Variants in ANKRD30B observed in about 807,000 individuals in gnomAD.
ANKRD30B encodes ankyrin repeat domain 30B.
In ANKRD30B, 144 loss-of-function variants were observed where a neutral mutation model predicts 202.2. The observed-to-expected ratio is 0.71, with a 90% confidence interval of 0.62 to 0.82. The LOEUF (loss-of-function observed/expected upper bound fraction) is 0.82, where lower values mean the gene tolerates loss of function less well. Ranked by LOEUF, ANKRD30B falls within the 40% of genes least tolerant of loss-of-function variation. ANKRD30B has a pLI of 0.00. For missense variants in ANKRD30B, 1,487 were observed against 1,669.1 expected, an observed-to-expected ratio of 0.89 and a Z score of 1.90; for synonymous variants, 508 against 561.3, an observed-to-expected ratio of 0.91 and a Z score of 1.34.
the ANKRD30B span, among the ~76,000 whole-genome samples, chr18:14,934,908 C>CACACACACA: frequency 7.4e-6 from 1 of 134,602 alleles, no homozygotes; most frequent in East Asian, 2.2e-4. Context: ...CCTCCCTCTA[C>CACACACACA]CACACACACA....
At chr18:14,846,575 T>C (rs1971646715) in intron 39 of ANKRD30B, among the ~76,000 whole-genome samples, 1 of 151,954 alleles carries the variant, frequency 6.6e-6, no homozygotes, top group African/African-American at 2.4e-5. Flanking sequence ...GTTCTATCTA[T>C]TTTTGTATCA....
intron 16 of ANKRD30B, among the ~76,000 whole-genome samples, chr18:14,794,945 C>A (rs953283287): frequency 2.0e-5 from 3 of 152,132 alleles, no homozygotes; most frequent in African/African-American, 7.2e-5. Flanking sequence ...AGATATATTT[C>A]TATTTCAAAG....
the ANKRD30B span, among the ~76,000 whole-genome samples, chr18:14,901,394 CAAAT>C: frequency 6.6e-6 from 1 of 152,074 alleles, no homozygotes; most frequent in Admixed American, 6.6e-5. Flanking sequence ...CTCTAATAAA[CAAAT>C]GAATGAGTTC....
chr18:14,817,165 A>G (rs1033081884), intron 30 of ANKRD30B: 2 of 152,226 alleles, frequency 1.3e-5, no homozygotes, highest in African/African-American at 4.8e-5. Context: ...AGCAACATAA[A>G]TATAATTACA....
In ANKRD30B at chr18:14,759,942, G is replaced by A. The variant is rs1457528915; in HGVS notation, c.756-612G>A. On this transcript the variant is annotated intron_variant, in intron 5 of 43. Transcript: ENST00000690538. ...TTTTTTGTAGAGACAGGGTCTCCCT[G>A]TGTTGCCCAAGCTGGTCTTGAACTT... is the stretch of plus-strand genomic sequence containing the variant. Among the ~76,000 whole-genome samples, 27 of 152,212 alleles carry A rather than the reference G, an allele frequency of 1.8e-4. No homozygotes were observed. The South Asian group carries it at 2.3e-3, about 13-fold the overall frequency.
chr18:14,925,186 G>A, the ANKRD30B span, among the ~76,000 whole-genome samples: 1 of 152,170 alleles, frequency 6.6e-6, no homozygotes, highest in Admixed American at 6.5e-5. Flanking sequence ...AGGAAGTGCT[G>A]GGTTTGGATA....
At chr18:14,760,682 A>G (rs1915115879) in intron 6 of ANKRD30B, 64 bp downstream of exon 6, 2 of 1,204,436 alleles carry the variant, frequency 1.7e-6, no homozygotes, top group South Asian at 1.4e-5. Context: ...AGTGCTGATC[A>G]CAAAAAAGCA....
chr18:14,758,068 G>T (rs1914658498), intron 5 of ANKRD30B, 116 bp downstream of exon 5: 3 of 1,096,192 alleles, frequency 2.7e-6, no homozygotes, highest in Admixed American at 2.7e-5. Flanking sequence ...AGCCAGACTA[G>T]TTAGAAGGAG....
chr18:14,882,952 A>C, the ANKRD30B span, among the ~76,000 whole-genome samples: 1 of 152,152 alleles, frequency 6.6e-6, no homozygotes, highest in Admixed American at 6.5e-5. Flanking sequence ...GTCCATTTGC[A>C]TGAAATGCTT....
At chr18:14,881,268 T>G in the ANKRD30B span, among the ~76,000 whole-genome samples, 1 of 152,210 alleles carries the variant, frequency 6.6e-6, no homozygotes, top group Non-Finnish European at 1.5e-5. Context: ...CTTGTATGCC[T>G]ATTTTGCTGA....
chr18:14,880,709 G>A, the ANKRD30B span, among the ~76,000 whole-genome samples: 1 of 151,848 alleles, frequency 6.6e-6, no homozygotes, highest in South Asian at 2.1e-4. Flanking sequence ...GGGATTATAG[G>A]CATGCACCAC....
chr18:14,830,386 G>A (rs747917253), intron 33 of ANKRD30B: 16 of 152,398 alleles, frequency 1.0e-4, no homozygotes, highest in Non-Finnish European at 2.1e-4. Flanking sequence ...AAAATAAGTA[G>A]TTAGACTTTC....
chr18:14,822,789 A>T (rs1970488464), intron 32 of ANKRD30B, 112 bp downstream of exon 32: 1 of 1,360,588 alleles, frequency 7.3e-7, no homozygotes, highest in African/African-American at 1.5e-5. Context: ...GGATGGGAAA[A>T]TTTGACACAA....
At chr18:14,897,753 C>T in the ANKRD30B span, among the ~76,000 whole-genome samples, 4 of 152,168 alleles carry the variant, frequency 2.6e-5, no homozygotes, top group South Asian at 8.3e-4. Context: ...ATAAAATGTC[C>T]CTGCCCTTAA....
chr18:14,913,014 C>T, the ANKRD30B span, among the ~76,000 whole-genome samples: 2 of 152,252 alleles, frequency 1.3e-5, no homozygotes, highest in East Asian at 1.9e-4. Flanking sequence ...TCTGGGCTTA[C>T]AGGTTTCCTG....
At chr18:14,936,420 A>G in the ANKRD30B span, among the ~76,000 whole-genome samples, 1 of 151,884 alleles carries the variant, frequency 6.6e-6, no homozygotes, top group African/African-American at 2.4e-5. Context: ...TCCCTCCACA[A>G]ACGCATCCTA....
In ANKRD30B at chr18:14,791,389, T is replaced by G; in HGVS notation, c.1735-12T>G. 1 of 1,581,102 alleles carries G rather than the reference T, an allele frequency of 6.3e-7. No homozygotes were observed. The highest frequency in any genetic ancestry group is 2.2e-5 in the East Asian group (1 of 44,482). On this transcript the variant is annotated splice_polypyrimidine_tract_variant and intron_variant, in intron 15 of 43. Transcript: ENST00000690538. Reference sequence around the variant, plus strand: ...TTTCATTGAAATTATTTATTGATATTACTTTTAACAGAGTCCCTGTGAGAC... The same window carrying G: ...TTTCATTGAAATTATTTATTGATATGACTTTTAACAGAGTCCCTGTGAGAC...
intron 7 of ANKRD30B, among the ~76,000 whole-genome samples, chr18:14,764,631 C>T (rs184473144): frequency 2.0e-5 from 3 of 152,184 alleles, no homozygotes; most frequent in Non-Finnish European, 4.4e-5. Flanking sequence ...CTCGTGATAG[C>T]CCCGCCTTGG....
the ANKRD30B span, among the ~76,000 whole-genome samples, chr18:14,934,560 T>C: frequency 6.6e-6 from 1 of 152,122 alleles, no homozygotes; most frequent in Non-Finnish European, 1.5e-5. Context: ...GACATAGTAC[T>C]CTGAAGCCAG....
Sources: allele counts gnomAD v4.1 joint callset (sites outside exome capture counted in the v4.1 genomes callset), GRCh38; gene constraint gnomAD v4.1.1; transcripts MANE v1.5; gene names NCBI Gene and HGNC (gene_info 2026-07-23, HGNC 2026-07-21).